SCNN1B: variants seen among roughly 807,000 people sequenced by gnomAD.
SCNN1B encodes the protein sodium channel epithelial 1 subunit beta.
A neutral mutation model predicts 65.3 loss-of-function variants in SCNN1B; 46 were observed. The observed-to-expected ratio is 0.70, with a 90% CI of 0.56 to 0.90. The LOEUF is 0.90. Ranked by LOEUF, SCNN1B falls within the 40% of genes least tolerant of loss-of-function variation. The probability of loss-of-function intolerance (pLI) is 0.00; values close to 1 mark genes in which losing one functional copy is unlikely to be tolerated. For missense variants in SCNN1B, 751 were observed against 830.5 expected (o/e 0.90, Z 1.18); for synonymous variants, 349 against 330.6 (o/e 1.06, Z -0.60).
Position 23,375,842 on chromosome 16 carries a change from C to T in SCNN1B, c.1257C>T (p.Asp419=), listed in dbSNP as rs2303155. ...GGGAGAAATACTGCAACAACCGGGA[C>T]TTCCCAGACTGGGGTGAGCGGGGGC... ...PRGEKYCNNR[D]FPDWAHCYSD... is the part of the protein sequence containing the mutation. Residue 419 remains aspartate, a synonymous_variant, in exon 8 of 13, where the codon GAC becomes GAT. Transcript: ENST00000343070. 682 of 1,611,144 alleles carry T rather than the reference C, an allele frequency of 4.2e-4. 8 individuals are homozygous for T. The East Asian group carries it at 0.015, about 35-fold the overall frequency.
chr16:23,316,179 C>A (rs1481583668), intron 1 of SCNN1B, among the ~76,000 whole-genome samples: 1 of 148,604 alleles, frequency 6.7e-6, no homozygotes, highest in Non-Finnish European at 1.5e-5. Context: ...ATCATCATCA[C>A]CACCATCATC....
At chr16:23,364,097 C>G (rs904055595) in intron 4 of SCNN1B, among the ~76,000 whole-genome samples, 2 of 151,460 alleles carry the variant, frequency 1.3e-5, no homozygotes, top group Non-Finnish European at 2.9e-5. Context: ...AACGGGGAGG[C>G]AGAGGCTGTA....
intron 1 of SCNN1B, among the ~76,000 whole-genome samples, chr16:23,319,702 C>T (rs1961547895): frequency 6.6e-6 from 1 of 152,182 alleles, no homozygotes; most frequent in African/African-American, 2.4e-5. Context: ...TTTGCTGACT[C>T]TTGCTCTAGC....
chr16:23,337,060 T>C (rs1229453126), intron 1 of SCNN1B, among the ~76,000 whole-genome samples: 1 of 152,216 alleles, frequency 6.6e-6, no homozygotes, highest in African/African-American at 2.4e-5. Context: ...TATTTATTTA[T>C]TAATTTTTTA....
intron 1 of SCNN1B, among the ~76,000 whole-genome samples, chr16:23,329,309 T>G (rs531791121): frequency 6.6e-6 from 1 of 151,248 alleles, no homozygotes; most frequent in Admixed American, 6.6e-5. Flanking sequence ...ACCAACATGG[T>G]TTCACTGTAT....
intron 1 of SCNN1B, among the ~76,000 whole-genome samples, chr16:23,313,711 A>T (rs2141987418): frequency 6.6e-6 from 1 of 152,316 alleles, no homozygotes; most frequent in Middle Eastern, 3.4e-3. Context: ...TCTTGGGTTC[A>T]AGCCATTCTC....
intron 2 of SCNN1B, among the ~76,000 whole-genome samples, chr16:23,293,993 A>G (rs1372084258): frequency 6.6e-6 from 1 of 152,158 alleles, no homozygotes; most frequent in Non-Finnish European, 1.5e-5. Context: ...ACAATAAAAA[A>G]AATATAAAAA....
intron 2 of SCNN1B, among the ~76,000 whole-genome samples, chr16:23,292,280 G>A (rs1306070709): frequency 3.3e-5 from 5 of 149,556 alleles, no homozygotes; most frequent in Non-Finnish European, 5.9e-5. Context: ...TGCAAGCTCC[G>A]CCTACAGGGT....
Position 23,338,727 on chromosome 16 carries a change from G to A in SCNN1B, c.-8-9865G>A, listed in dbSNP as rs371841098. ...ACCCATCCAAGGAGAGCAGCTGCTA[G>A]TCAAATCTAGCAGAACATGGTCATG... On this transcript the variant is annotated intron_variant, in intron 1 of 12. Transcript: ENST00000343070. Among the ~76,000 whole-genome samples the A allele has an allele frequency of 9.8e-5, 15 of 152,302 alleles. No individual in the cohort carries two copies. The East Asian group carries it at 1.3e-3, about 14-fold the overall frequency.
intron 4 of SCNN1B, among the ~76,000 whole-genome samples, chr16:23,366,339 G>A (rs1962668388): frequency 6.6e-6 from 1 of 152,006 alleles, no homozygotes; most frequent in Non-Finnish European, 1.5e-5. Flanking sequence ...CCAAGTAGCT[G>A]GGACTACAGA....
chr16:23,308,366 T>G (rs960188620), intron 1 of SCNN1B, among the ~76,000 whole-genome samples: 2 of 151,896 alleles, frequency 1.3e-5, no homozygotes, highest in South Asian at 4.2e-4. Context: ...CTGTACAAAA[T>G]TTAAAAATTA....
intron 1 of SCNN1B, among the ~76,000 whole-genome samples, chr16:23,341,367 T>C (rs1057292982): frequency 6.6e-6 from 1 of 152,134 alleles, no homozygotes; most frequent in Non-Finnish European, 1.5e-5. Context: ...GAGTAAAGCA[T>C]AGAAACAGAT....
intron 2 of SCNN1B, among the ~76,000 whole-genome samples, chr16:23,287,895 C>A (rs1960872840): frequency 6.6e-6 from 1 of 150,548 alleles, no homozygotes; most frequent in Non-Finnish European, 1.5e-5. Context: ...TGACTCACAC[C>A]TGTAATCCCA....
chr16:23,360,201 AAAATAAAT>A (rs781261312), intron 4 of SCNN1B, among the ~76,000 whole-genome samples: 4 of 132,752 alleles, frequency 3.0e-5, no homozygotes, highest in South Asian at 2.8e-4. Context: ...CCATCTCAAA[AAAATAAAT>A]AAATAAATAA....
At chr16:23,359,341 T>C (rs927217290) in intron 4 of SCNN1B, 2 of 152,240 alleles carry the variant, frequency 1.3e-5, no homozygotes, top group African/African-American at 2.4e-5. Flanking sequence ...CATCACTCTA[T>C]TGCCTCATCA....
At chr16:23,336,371 ATTTTTT>A (rs745716509) in intron 1 of SCNN1B, among the ~76,000 whole-genome samples, 1 of 134,550 alleles carries the variant, frequency 7.4e-6, no homozygotes, top group African/African-American at 2.8e-5. Context: ...AAGCAAGACG[ATTTTTT>A]TTTTTTTTTT....
rs200416547 is a variant in SCNN1B at position 23,377,169 on chromosome 16, T to C, written c.1275T>C (p.His425=). The change falls in exon 9 of 13, where the codon CAT becomes CAC. Residue 425 remains histidine (H), a synonymous_variant. Transcript: ENST00000343070. The part of the protein sequence containing the change: ...CNNRDFPDWA[H]CYSDLQMSVA... Reference sequence around the variant, plus strand: ...GCCTTTCTGTCTCCTGCGCAGCCCATTGCTACTCAGATCTACAGATGAGCG... The same window carrying C: ...GCCTTTCTGTCTCCTGCGCAGCCCACTGCTACTCAGATCTACAGATGAGCG... The C allele has an allele frequency of 1.9e-6, 3 of 1,614,056 alleles. No homozygotes were observed. Among genetic ancestry groups the C allele is most frequent in the East Asian group, 4.5e-5 (2 of 44,878 alleles).
intron 1 of SCNN1B, among the ~76,000 whole-genome samples, chr16:23,341,264 A>G (rs985031178): frequency 6.6e-6 from 1 of 152,218 alleles, no homozygotes; most frequent in African/African-American, 2.4e-5. Flanking sequence ...ATGAAAAACA[A>G]TGAAGTTGGA....
intron 4 of SCNN1B, among the ~76,000 whole-genome samples, chr16:23,360,538 C>T (rs1285140485): frequency 2.0e-5 from 3 of 149,194 alleles, no homozygotes; most frequent in African/African-American, 7.4e-5. Flanking sequence ...GCCTGGGTGA[C>T]AGAGTGAGAG....
Sources: gnomAD v4.1 joint callset for allele counts (sites outside exome capture counted in the v4.1 genomes callset) on GRCh38, gnomAD v4.1.1 for gene constraint, MANE v1.5 for transcripts, NCBI Gene and HGNC (gene_info 2026-07-23, HGNC 2026-07-21) for gene names.